ZFAT: variants seen among roughly 807,000 people sequenced by gnomAD.
ZFAT encodes zinc finger and AT-hook domain containing.
Under a neutral mutation model 117.7 loss-of-function variants are expected in ZFAT, and 64 were observed. That is an observed-to-expected ratio of 0.54 (90% CI 0.44 to 0.67). The LOEUF (loss-of-function observed/expected upper bound fraction) is 0.67, where lower values mean the gene tolerates loss of function less well. ZFAT is among the 30% of genes least tolerant of loss of function. The pLI is 0.00. For missense variants in ZFAT, 1,433 were observed against 1,584.5 expected, an observed-to-expected ratio of 0.90 and a Z score of 1.62; for synonymous variants, 679 against 615.0, an observed-to-expected ratio of 1.10 and a Z score of -1.54.
chr8:134,495,945 G>C (rs1054528650), intron 15 of ZFAT, among the ~76,000 whole-genome samples: 1 of 151,824 alleles, frequency 6.6e-6, no homozygotes, highest in African/African-American at 2.4e-5. Flanking sequence ...AAAAAAAAAA[G>C]TTGGTGTCTT....
intron 10 of ZFAT, among the ~76,000 whole-genome samples, chr8:134,578,102 C>A (rs755562860): frequency 2.0e-5 from 3 of 152,066 alleles, no homozygotes; most frequent in Non-Finnish European, 4.4e-5. Flanking sequence ...GAGCACATAC[C>A]TGGCAGGTGT....
the ZFAT span, among the ~76,000 whole-genome samples, chr8:134,827,605 T>C: frequency 6.6e-6 from 1 of 151,866 alleles, no homozygotes; most frequent in African/African-American, 2.4e-5. Context: ...CCGTCTCTAC[T>C]GAAAATACAA....
chr8:134,557,037 G>A (rs758352075), intron 11 of ZFAT, among the ~76,000 whole-genome samples: 108 of 151,814 alleles, frequency 7.1e-4, no homozygotes, highest in Non-Finnish European at 1.3e-3. Context: ...ACTATATTGA[G>A]GAGTTCATAA....
the ZFAT span, among the ~76,000 whole-genome samples, chr8:134,729,319 C>T: frequency 0.41 from 62,564 of 152,056 alleles, 13,354 homozygotes; most frequent in Non-Finnish European, 0.47. Flanking sequence ...TCATCCACCT[C>T]GCCATTCTTT....
the ZFAT span, among the ~76,000 whole-genome samples, chr8:134,753,422 A>G: frequency 6.6e-6 from 1 of 152,242 alleles, no homozygotes; most frequent in African/African-American, 2.4e-5. Context: ...ATGAGGAAAC[A>G]GGTTCACTGA....
chr8:134,594,763 C>T (rs1826800288), intron 7 of ZFAT: 2 of 152,188 alleles, frequency 1.3e-5, no homozygotes, highest in Admixed American at 6.5e-5. Context: ...TACGGAGCCA[C>T]ACCACTTCTA....
At chr8:134,777,530 C>A in the ZFAT span, among the ~76,000 whole-genome samples, 1 of 152,068 alleles carries the variant, frequency 6.6e-6, no homozygotes, top group Non-Finnish European at 1.5e-5. Context: ...TGGAGGTAGC[C>A]TTTTAGGGTA....
intron 2 of ZFAT, among the ~76,000 whole-genome samples, chr8:134,652,683 C>T (rs1304388177): frequency 6.6e-6 from 1 of 152,192 alleles, no homozygotes; most frequent in Non-Finnish European, 1.5e-5. Flanking sequence ...CATGGTCAAC[C>T]TCACTAGTGA....
At chr8:134,633,119 A>G (rs988747346) in intron 3 of ZFAT, among the ~76,000 whole-genome samples, 2 of 152,124 alleles carry the variant, frequency 1.3e-5, no homozygotes, top group Non-Finnish European at 2.9e-5. Flanking sequence ...TGCAAAAGAA[A>G]AAAAAAAGCA....
At chr8:134,542,545 G>A (rs1178084872) in intron 11 of ZFAT, among the ~76,000 whole-genome samples, 1 of 152,146 alleles carries the variant, frequency 6.6e-6, no homozygotes, top group African/African-American at 2.4e-5. Flanking sequence ...GACAATATGT[G>A]GTATCACAGT....
chr8:134,783,520 G>C, the ZFAT span, among the ~76,000 whole-genome samples: 1 of 152,082 alleles, frequency 6.6e-6, no homozygotes, highest in Non-Finnish European at 1.5e-5. Flanking sequence ...ACCGGTTCCT[G>C]GTGCCAAAAA....
the ZFAT span, among the ~76,000 whole-genome samples, chr8:134,776,000 G>A: frequency 1.3e-5 from 2 of 152,164 alleles, no homozygotes; most frequent in Non-Finnish European, 2.9e-5. Flanking sequence ...TCTTGTTACT[G>A]CCATCTTCAT....
intron 8 of ZFAT, 25 bp from the exon 9 acceptor site, chr8:134,588,420 A>C: frequency 6.4e-7 from 1 of 1,554,566 alleles, no homozygotes. Context: ...GGATGTCAAA[A>C]GGAGTCAGAG....
At chr8:134,764,109 A>G in the ZFAT span, among the ~76,000 whole-genome samples, 2 of 151,598 alleles carry the variant, frequency 1.3e-5, no homozygotes, top group African/African-American at 2.4e-5. Flanking sequence ...AATCATTGTT[A>G]TAATATTTGT....
At chr8:134,633,815 G>A (rs992431800) in intron 3 of ZFAT, among the ~76,000 whole-genome samples, 4 of 152,224 alleles carry the variant, frequency 2.6e-5, no homozygotes, top group African/African-American at 4.8e-5. Flanking sequence ...GAGGCCAAGT[G>A]AGGTGGATCA....
chr8:134,800,778 GT>G, the ZFAT span, among the ~76,000 whole-genome samples: 1 of 152,036 alleles, frequency 6.6e-6, no homozygotes, highest in Non-Finnish European at 1.5e-5. Context: ...TTGGGTGTTT[GT>G]TTTTTTGGAA....
In ZFAT at chr8:134,602,320, A is replaced by T. The variant is rs1457744592; in HGVS notation, c.1399T>A (p.Phe467Ile). 6.2e-7 allele frequency: 1 copy of T among 1,613,790 alleles called. No individual in the cohort carries two copies. Among genetic ancestry groups the T allele is most frequent in the African/African-American group, 1.3e-5 (1 of 74,928 alleles). ...VYVCAVCRKK[F>I]VSSIRLRTHI... ...GTGCGCAGCCTGATGGAGCTGACGA[A>T]CTTCTTGCGGCAGACGGCACAGACG... Residue 467 changes from phenylalanine (F) to isoleucine (I), a missense_variant, in exon 6 of 16, where the codon TTC becomes ATC. By Grantham distance (21) the Phe-to-Ile change is conservative. This residue lies in a region of ZFAT where 73 missense variants were observed against 122.0 expected (regional missense o/e 0.60). Transcript: ENST00000377838.
chr8:134,509,842 G>A (rs540644555), intron 14 of ZFAT, 93 bp from the exon 15 acceptor site: 729 of 1,481,944 alleles, frequency 4.9e-4, no homozygotes, highest in Non-Finnish European at 5.9e-4. Flanking sequence ...CTCGGGTGAC[G>A]CCTTCTCCAG....
At chr8:134,578,935 A>T (rs917934384) in intron 10 of ZFAT, among the ~76,000 whole-genome samples, 1 of 152,224 alleles carries the variant, frequency 6.6e-6, no homozygotes, top group African/African-American at 2.4e-5. Context: ...CACCAAATTT[A>T]GCCTACTTCC....
Sources: gnomAD v4.1 joint callset for allele counts (sites outside exome capture counted in the v4.1 genomes callset) on GRCh38, gnomAD v4.1.1 for gene constraint, gnomAD v4.1.1 regional missense constraint, MANE v1.5 for transcripts, NCBI Gene and HGNC (gene_info 2026-07-23, HGNC 2026-07-21) for gene names.